The following FAM107B variants were observed in gnomAD, a reference collection of about 807,000 sequenced individuals.
The protein encoded by FAM107B is family with sequence similarity 107 member B, also known as protein FAM107B.
FAM107B carries 21 observed loss-of-function variants against 31.5 expected under a neutral mutation model. That is an observed-to-expected ratio of 0.67 (90% CI 0.47 to 0.96). The LOEUF is 0.96. FAM107B is among the 40% of genes least tolerant of loss of function. FAM107B has a pLI of 0.00. For missense variants in FAM107B, 452 were observed against 377.1 expected, an observed-to-expected ratio of 1.20 and a Z score of -1.64; for synonymous variants, 157 against 141.5, an observed-to-expected ratio of 1.11 and a Z score of -0.78.
intron 1 of FAM107B, among the ~76,000 whole-genome samples, chr10:14,702,067 G>A (rs1855411625): frequency 6.6e-6 from 1 of 152,212 alleles, no homozygotes; most frequent in African/African-American, 2.4e-5. Context: ...TGAAGAGCAG[G>A]GAATATACTG....
At chr10:14,658,208 A>AG (rs1325175720) in intron 2 of FAM107B, among the ~76,000 whole-genome samples, 1 of 152,238 alleles carries the variant, frequency 6.6e-6, no homozygotes, top group African/African-American at 2.4e-5. Context: ...CTAAAATACA[A>AG]GCTATGATAG....
At chr10:14,586,988 A>AAT (rs1452968708) in intron 2 of FAM107B, among the ~76,000 whole-genome samples, 1 of 152,216 alleles carries the variant, frequency 6.6e-6, no homozygotes, top group Non-Finnish European at 1.5e-5. Context: ...ATGAGAATGG[A>AAT]ATAGTCTCGC....
intron 1 of FAM107B, among the ~76,000 whole-genome samples, chr10:14,765,039 G>A (rs1833134635): frequency 2.0e-5 from 3 of 152,206 alleles, no homozygotes; most frequent in African/African-American, 7.2e-5. Flanking sequence ...GGGCAGATTG[G>A]TAGATTTTTC....
At chr10:14,612,798 A>G (rs1852757122) in intron 2 of FAM107B, among the ~76,000 whole-genome samples, 5 of 152,196 alleles carry the variant, frequency 3.3e-5, no homozygotes, top group Admixed American at 3.3e-4. Context: ...AGAACAAGTA[A>G]AAAAGACTGG....
intron 2 of FAM107B, among the ~76,000 whole-genome samples, chr10:14,598,533 G>T (rs1852261750): frequency 6.6e-6 from 1 of 152,170 alleles, no homozygotes; most frequent in Non-Finnish European, 1.5e-5. Flanking sequence ...AATGGTGGTT[G>T]TCAGGGACTG....
At chr10:14,578,228 G>A (rs533872799) in intron 2 of FAM107B, among the ~76,000 whole-genome samples, 2 of 152,236 alleles carry the variant, frequency 1.3e-5, no homozygotes, top group South Asian at 2.1e-4. Context: ...GTTCCCTGAG[G>A]GCGAATATCC....
intron 1 of FAM107B, among the ~76,000 whole-genome samples, chr10:14,732,896 A>AT (rs1856207263): frequency 6.8e-6 from 1 of 146,740 alleles, no homozygotes; most frequent in Admixed American, 6.9e-5. Flanking sequence ...ATAGTACATT[A>AT]TAGAATATAT....
At chr10:14,692,995 G>T (rs1350687083) in intron 1 of FAM107B, among the ~76,000 whole-genome samples, 1 of 152,176 alleles carries the variant, frequency 6.6e-6, no homozygotes, top group Non-Finnish European at 1.5e-5. Context: ...TCGCAGTGAT[G>T]CGGTCAGCCT....
chr10:14,727,344 C>A lies in FAM107B; in HGVS notation c.411+46909G>T, dbSNP rs1258345958. ...ACAGGTGTGTATTATTTTAGAAATA[C>A]ACCATCATGCTCGGGTTTTCATCAC... On this transcript the variant is annotated intron_variant, in intron 1 of 4. Coordinates refer to ENST00000181796, the MANE Select transcript of FAM107B (RefSeq NM_031453.4). Among the ~76,000 whole-genome samples, 76 of 152,216 alleles carry A rather than the reference C, an allele frequency of 5.0e-4. 1 individual carries two copies. Among genetic ancestry groups the A allele is most frequent in the Non-Finnish European group, 7.3e-5 (5 of 68,044 alleles).
intron 1 of FAM107B, chr10:14,723,387 T>A: frequency 1.8e-6 from 1 of 550,074 alleles, no homozygotes. Flanking sequence ...AATTCCTCCT[T>A]GGTCACAGCC....
intron 2 of FAM107B, among the ~76,000 whole-genome samples, chr10:14,601,385 C>T (rs910370237): frequency 1.3e-5 from 2 of 152,162 alleles, no homozygotes; most frequent in Admixed American, 6.5e-5. Flanking sequence ...GGGTCAGGCC[C>T]AGCCCTTCTT....
intron 1 of FAM107B, among the ~76,000 whole-genome samples, chr10:14,686,836 G>A (rs1012441898): frequency 3.4e-4 from 52 of 152,214 alleles, no homozygotes; most frequent in African/African-American, 1.2e-3. Context: ...AGAGGGGCAG[G>A]TGGAGCCAAT....
chr10:14,707,420 C>T lies in FAM107B; in HGVS notation c.412-39729G>A, dbSNP rs966951395. Among the ~76,000 whole-genome samples the T allele has an allele frequency of 5.9e-5, 9 of 151,980 alleles. 1 individual carries two copies. Among genetic ancestry groups the T allele is most frequent in the Admixed American group, 1.3e-4 (2 of 15,256 alleles). On this transcript the variant is annotated intron_variant, in intron 1 of 4. Transcript: ENST00000181796. The stretch of plus-strand genomic sequence containing the variant: ...CACTCCAGCAGCTCAGAGAAGTTTG[C>T]GTTCCCAGGTATCTCCCTGAGATCT...
chr10:14,631,396 G>T (rs1022245787), intron 2 of FAM107B, among the ~76,000 whole-genome samples: 2 of 152,094 alleles, frequency 1.3e-5, no homozygotes, highest in Admixed American at 1.3e-4. Context: ...TTTACATTGG[G>T]TTATCTGTTT....
chr10:14,742,284 T>A (rs1856458141), intron 1 of FAM107B, among the ~76,000 whole-genome samples: 2 of 76,828 alleles, frequency 2.6e-5, no homozygotes, highest in Middle Eastern at 6.0e-3. Flanking sequence ...ACCCAGCTCA[T>A]TTTTTTTTTT....
chr10:14,566,406 C>T (rs182470495), intron 2 of FAM107B, among the ~76,000 whole-genome samples: 67 of 152,262 alleles, frequency 4.4e-4, no homozygotes, highest in Middle Eastern at 3.4e-3. Context: ...AGGACCTGTG[C>T]GGCATGGAAC....
chr10:14,647,800 A>G (rs2131442543), intron 2 of FAM107B, among the ~76,000 whole-genome samples: 1 of 152,260 alleles, frequency 6.6e-6, no homozygotes, highest in Middle Eastern at 3.4e-3. Context: ...GTTATATGCC[A>G]TGGTCTGTAC....
chr10:14,543,114 T>C (rs1163788484), intron 2 of FAM107B, among the ~76,000 whole-genome samples: 1 of 152,186 alleles, frequency 6.6e-6, no homozygotes, highest in Non-Finnish European at 1.5e-5. Context: ...CTCTCCTATG[T>C]AAAGTAGCTT....
rs1554759679 is a variant in FAM107B, at chr10:14,774,518, T to C, written c.146A>G (p.His49Arg). Reference protein sequence around the residue: ...SFNQSGVADTHSTVRVQPVAK... With the variant: ...SFNQSGVADTRSTVRVQPVAK... ...CACAGGCTGCACACGGACGGTGGAA[T>C]GAGTATCAGCCACGCCGGACTGATT... The change falls in exon 1 of 5, where the codon CAT (histidine) becomes CGT (arginine). Residue 49 changes from histidine (H) to arginine (R), a missense_variant. By Grantham distance (29) the His-to-Arg change is conservative. Transcript: ENST00000181796. The C allele has an allele frequency of 6.2e-7, 1 of 1,614,176 alleles. No individual in the cohort carries two copies. Among genetic ancestry groups the C allele is most frequent in the Non-Finnish European group, 8.5e-7 (1 of 1,180,028 alleles).
Sources: gnomAD v4.1 joint callset for allele counts (sites outside exome capture counted in the v4.1 genomes callset) on GRCh38, gnomAD v4.1.1 for gene constraint, MANE v1.5 for transcripts, NCBI Gene and HGNC (gene_info 2026-07-23, HGNC 2026-07-21) for gene names.